Variants in NES observed in about 807,000 individuals in gnomAD.
NES encodes nestin.
Under a neutral mutation model 35.6 loss-of-function variants are expected in NES, and 27 were observed. That is an observed-to-expected ratio of 0.76 (90% CI 0.56 to 1.04). The LOEUF (loss-of-function observed/expected upper bound fraction) is 1.04. Ranked by LOEUF, NES falls within the 50% of genes least tolerant of loss-of-function variation. NES has a pLI of 0.00. For synonymous variants in NES, 822 were observed against 824.2 expected (o/e 1.00, Z 0.04); for missense variants, 1,867 against 1,983.6 (o/e 0.94, Z 1.12).
chr1:156,673,535 G>A lies in NES; in HGVS notation c.909-8C>T, dbSNP rs1195544553. On this transcript the variant is annotated splice_region_variant and splice_polypyrimidine_tract_variant and intron_variant, in intron 2 of 3. Coordinates refer to ENST00000368223, the MANE Select transcript of NES (RefSeq NM_006617.2). ...TCAGCCTCCAGGAGGGTCCTGGAGAGGACAGAGGGAAAGTGGGGTCAGCCC... is the reference window on the plus strand; with the variant it reads ...TCAGCCTCCAGGAGGGTCCTGGAGAAGACAGAGGGAAAGTGGGGTCAGCCC... The A allele has an allele frequency of 1.2e-6, 2 of 1,601,480 alleles. No individual in the cohort carries two copies. Among genetic ancestry groups the A allele is most frequent in the Non-Finnish European group, 1.7e-6 (2 of 1,171,216 alleles).
In NES at chr1:156,672,501, G is replaced by A; in HGVS notation, c.1687C>T (p.Gln563Ter). Residue 563 changes from glutamine (Q) to a stop codon, truncating the protein, a stop_gained, in exon 4 of 4, where the codon CAG becomes TAG. Transcript: ENST00000368223. LOFTEE classifies it low-confidence loss of function (END_TRUNC). ...TCCCTTTCTAGTGTCTCATGGCTCT[G>A]GTTTTCCAGAGTCTTCAGTGACTCT... is the stretch of plus-strand genomic sequence containing the variant. Reference protein sequence around the residue: ...IQESLKTLENQSHETLERENQ... With the variant: ...IQESLKTLEN 1 of 1,613,068 alleles carries A rather than the reference G, an allele frequency of 6.2e-7. No individual in the cohort carries two copies. Among genetic ancestry groups the A allele is most frequent in the Non-Finnish European group, 8.5e-7 (1 of 1,179,594 alleles).
chr1:156,671,980 T>C lies in NES; in HGVS notation c.2208A>G (p.Leu736=), dbSNP rs751807544. ...EEEDQSIVRP[L]ETENHKSLRS... is the part of the protein sequence containing the mutation. ...TCAGTGATTTGTGATTCTCTGTTTC[T>C]AGAGGTCTCACAATACTCTGGTCCT... The change falls in exon 4 of 4, where the codon CTA becomes CTG. Residue 736 remains leucine, a synonymous_variant. Transcript: ENST00000368223. 3.7e-6 allele frequency: 6 copies of C among 1,614,056 alleles called. No homozygotes were observed. Among genetic ancestry groups the C allele is most frequent in the Admixed American group, 1.7e-5 (1 of 60,010 alleles).
Position 156,670,859 on chromosome 1 carries a change from T to TCGGCCCCCCC in NES, c.3328_3329insGGGGGGGCCG (p.Asp1110GlyfsTer35). The TCGGCCCCCCC allele has an allele frequency of 6.2e-7, 1 of 1,609,340 alleles. No homozygotes were observed. Among genetic ancestry groups the TCGGCCCCCCC allele is most frequent in the South Asian group, 1.1e-5 (1 of 90,982 alleles). ...CTCTTCCCTGGTCAGATGGCCTGGG[T>TCGGCCCCCCC]CCCCCAGCCCTCCCACCCCCTGCCC... On this transcript the variant is annotated frameshift_variant, in exon 4 of 4. Transcript: ENST00000368223. LOFTEE classifies it low-confidence loss of function (END_TRUNC).
Position 156,671,536 on chromosome 1 carries a change from C to A in NES, c.2652G>T (p.Leu884=), listed in dbSNP as rs761044522. 1.2e-6 allele frequency: 2 copies of A among 1,613,854 alleles called. No homozygotes were observed. Among genetic ancestry groups the A allele is most frequent in the African/African-American group, 2.7e-5 (2 of 74,908 alleles). Residue 884 remains leucine, a synonymous_variant, in exon 4 of 4, where the codon CTG becomes CTT. Transcript: ENST00000368223. ...VEVNQETFRL[L]EEENQESLRS... ...TCAATGATTCCTGATTCTCCTCTTC[C>A]AGGAGTCTGAATGTCTCTTGGTTCA...
rs141050828 is a variant in NES at position 156,670,527 on chromosome 1, G to A, written c.3661C>T (p.Pro1221Ser). Reference sequence around the variant, plus strand: ...AGGATCGGGGTGTACGTTGGGCTGGGGGAGACCAGCACTGGTGGTACATCC... The same window carrying A: ...AGGATCGGGGTGTACGTTGGGCTGGAGGAGACCAGCACTGGTGGTACATCC... Reference protein sequence around the residue: ...EEDVPPVLVSPSPTYTPILED... With the variant: ...EEDVPPVLVSSSPTYTPILED... The change falls in exon 4 of 4, where the codon CCC becomes TCC. Residue 1221 changes from proline to serine, a missense_variant. Pro to Ser is a moderately conservative substitution (Grantham distance 74). Transcript: ENST00000368223. 1.2e-6 allele frequency: 2 copies of A among 1,605,748 alleles called. No individual in the cohort carries two copies. Among genetic ancestry groups the A allele is most frequent in the Non-Finnish European group, 1.7e-6 (2 of 1,174,320 alleles).
chr1:156,670,243 G>T lies in NES; in HGVS notation c.3945C>A (p.Pro1315=). Residue 1315 remains proline (P), a synonymous_variant, in exon 4 of 4, where the codon CCC becomes CCA. Transcript: ENST00000368223. ...GAGGGGGTGGCCTCTGCTCTCCAGTGGGGTCCCACCTGGGGGAGGTGGGGG... is the reference window on the plus strand; with the variant it reads ...GAGGGGGTGGCCTCTGCTCTCCAGTTGGGTCCCACCTGGGGGAGGTGGGGG... ...LRSPTSPRWD[P]TGEQRPPPQG... 6.2e-7 allele frequency: 1 copy of T among 1,613,382 alleles called. No individual in the cohort carries two copies. The highest frequency in any genetic ancestry group is 8.5e-7 in the Non-Finnish European group (1 of 1,179,582).
rs1679710924 is a variant in NES at position 156,670,911 on chromosome 1, A to G, written c.3277T>C (p.Ser1093Pro). ...GGGCCTGGCTCAGCTCCCGCAGCAG[A>G]CTCACCCATGGCAGGCTCTGACCCC... is the stretch of plus-strand genomic sequence containing the variant. ...MLGSEPAMGE[S>P]AAGAEPGPGQ... Residue 1093 changes from serine (S) to proline (P), a missense_variant, in exon 4 of 4, where the codon TCT becomes CCT. Physicochemically the swap from Ser to Pro is moderately conservative, Grantham distance 74 (BLOSUM62 -1). Coordinates refer to ENST00000368223, the MANE Select transcript of NES (RefSeq NM_006617.2). The G allele has an allele frequency of 6.4e-7, 1 of 1,565,416 alleles. No individual in the cohort carries two copies. The highest frequency in any genetic ancestry group is 1.7e-5 in the Admixed American group (1 of 58,218).
intron 2 of NES, among the ~76,000 whole-genome samples, chr1:156,674,594 C>T (rs1679801543): frequency 6.6e-6 from 1 of 152,250 alleles, no homozygotes; most frequent in Admixed American, 6.5e-5. Context: ...TTGCCCAAGG[C>T]CACATAGCAA....
rs773359771 is a variant in NES at position 156,671,389 on chromosome 1, C to T, written c.2799G>A (p.Arg933=). 1 of 1,614,088 alleles carries T rather than the reference C, an allele frequency of 6.2e-7. No individual in the cohort carries two copies. The highest frequency in any genetic ancestry group is 8.5e-7 in the Non-Finnish European group (1 of 1,180,040). Residue 933 remains arginine, a synonymous_variant, in exon 4 of 4, where the codon AGG becomes AGA. Transcript: ENST00000368223. ...LGKGEYQESL[R]SLEEEGQELP... ...GCTCCTGTCCCTCCTCCTCCAGAGA[C>T]CTCAGTGACTCTTGGTACTCTCCCT...
intron 1 of NES, 128 bp from the exon 2 acceptor site, chr1:156,675,468 AC>A: frequency 3.7e-6 from 4 of 1,089,656 alleles, no homozygotes; most frequent in Non-Finnish European, 2.5e-6. Context: ...TGTGTAGCAG[AC>A]CCCCGCCTCC....
rs145281845 is a variant in NES, at chr1:156,673,168, C to T, written c.1020G>A (p.Glu340=). 192 of 1,531,520 alleles carry T rather than the reference C, an allele frequency of 1.3e-4. 3 individuals are homozygous for T. In the Middle Eastern group the frequency reaches 6.0e-3, roughly 48 times the overall value. 94.9% of individuals were successfully genotyped at this position (1,531,520 alleles called of 1,614,324 possible). A position where few individuals can be genotyped will look rare whatever the true frequency, so the allele number is the denominator to read the frequency against. ...GGAGCAAAGATCCAAGACGCCGGCC[C>T]TCTGGGGTCCTAGGGAATTGCAGCT... ...KLELQFPRTP[E]GRRLGSLLPV... is the part of the protein sequence containing the mutation. Residue 340 remains glutamate, a synonymous_variant, in exon 4 of 4, where the codon GAG becomes GAA. Transcript: ENST00000368223.
chr1:156,670,859 T>TCCCG lies in NES; in HGVS notation c.3328_3329insCGGG (p.Asp1110AlafsTer33). 6.2e-7 allele frequency: 1 copy of TCCCG among 1,609,352 alleles called. No homozygotes were observed. The highest frequency in any genetic ancestry group is 8.5e-7 in the Non-Finnish European group (1 of 1,176,944). On this transcript the variant is annotated frameshift_variant, in exon 4 of 4. Transcript: ENST00000368223. LOFTEE classifies it low-confidence loss of function (END_TRUNC). ...CTCTTCCCTGGTCAGATGGCCTGGG[T>TCCCG]CCCCCAGCCCTCCCACCCCCTGCCC...
Position 156,668,829 on chromosome 1 carries a change from T to A in NES, c.*493A>T, listed in dbSNP as rs1199155691. ...AGGCAGGGCCACAGCGTGGCAGGGA[T>A]GGGGGGAGTCAGCACATGGGAGTGC... On this transcript the variant is annotated 3_prime_UTR_variant, in exon 4 of 4. Transcript: ENST00000368223. 1 of 154,422 alleles carries A rather than the reference T, an allele frequency of 6.5e-6. No individual in the cohort carries two copies. The highest frequency in any genetic ancestry group is 1.4e-5 in the Non-Finnish European group (1 of 69,706). 9.6% of individuals were successfully genotyped at this position (154,422 alleles called of 1,614,324 possible).
chr1:156,672,128 T>C lies in NES; in HGVS notation c.2060A>G (p.Glu687Gly), dbSNP rs1679748666. The C allele has an allele frequency of 6.2e-7, 1 of 1,611,658 alleles. No homozygotes were observed. The highest frequency in any genetic ancestry group is 8.5e-7 in the Non-Finnish European group (1 of 1,179,504). The change falls in exon 4 of 4, where the codon GAG becomes GGG. Residue 687 changes from glutamate (E) to glycine (G), a missense_variant. By Grantham distance (98) the Glu-to-Gly change is moderately conservative. Coordinates refer to ENST00000368223, the MANE Select transcript of NES (RefSeq NM_006617.2). ...CTCCTTTGTCAGAGGTCTCAGTGCC[T>C]CCTCATCCCCTACTTCTGGAGATCT... Reference protein sequence around the residue: ...PLRSPEVGDEEALRPLTKENQ... With the variant: ...PLRSPEVGDEGALRPLTKENQ...
chr1:156,675,658 G>A (rs968135734), intron 1 of NES, among the ~76,000 whole-genome samples: 8 of 152,140 alleles, frequency 5.3e-5, no homozygotes, highest in Non-Finnish European at 1.0e-4. Context: ...GGGAGGAGAC[G>A]AGATGGGTTA....
Position 156,669,775 on chromosome 1 carries a change from G to C in NES, c.4413C>G (p.Asp1471Glu). The change falls in exon 4 of 4, where the codon GAC becomes GAG. Residue 1471 changes from aspartate to glutamate, a missense_variant. Coordinates refer to ENST00000368223, the MANE Select transcript of NES (RefSeq NM_006617.2). Reference sequence around the variant, plus strand: ...CACCAGCCACTGCACCCCTCAAGCTGTCATCCCAGGGGACACTGACACTCA... The same window carrying C: ...CACCAGCCACTGCACCCCTCAAGCTCTCATCCCAGGGGACACTGACACTCA... Reference protein sequence around the residue: ...DSVSVSVPWDDSLRGAVAGAP... With the variant: ...DSVSVSVPWDESLRGAVAGAP... The C allele has an allele frequency of 6.2e-7, 1 of 1,614,006 alleles. No homozygotes were observed. The highest frequency in any genetic ancestry group is 8.5e-7 in the Non-Finnish European group (1 of 1,179,988).
rs752772889 is a variant in NES, at chr1:156,676,377, G to C, written c.783+105C>G. The C allele has an allele frequency of 1.2e-4, 142 of 1,154,338 alleles. No individual in the cohort carries two copies. Among genetic ancestry groups the C allele is most frequent in the Non-Finnish European group, 1.7e-4 (138 of 821,028 alleles). The allele number at this position is 1,154,338 out of a possible 1,614,324, so 71.5% of individuals were successfully genotyped here. On this transcript the variant is annotated intron_variant, in intron 1 of 3. Transcript: ENST00000368223. This position sits in a 1 kb window ranked among gnomAD's most constrained non-coding sequence, Gnocchi z 5.3. Reference sequence around the variant, plus strand: ...TTTCTGAGAACTGGCTCCTGATTCAGCAGCCAGCTAGCCCCACTCCCTTCC... The same window carrying C: ...TTTCTGAGAACTGGCTCCTGATTCACCAGCCAGCTAGCCCCACTCCCTTCC...
In NES at chr1:156,672,157, T is replaced by C. The variant is rs1166662677; in HGVS notation, c.2031A>G (p.Pro677=). The part of the protein sequence containing the change: ...LTALEKENQE[P]LRSPEVGDEE... ...CATCCCCTACTTCTGGAGATCTCAG[T>C]GGCTCTTGATTCTCCTTTTCCAGAG... Residue 677 remains proline, a synonymous_variant, in exon 4 of 4, where the codon CCA becomes CCG. Transcript: ENST00000368223. The C allele has an allele frequency of 6.2e-7, 1 of 1,611,736 alleles. No individual in the cohort carries two copies. Among genetic ancestry groups the C allele is most frequent in the African/African-American group, 1.3e-5 (1 of 74,682 alleles).
chr1:156,669,395 A>G lies in NES; in HGVS notation c.4793T>C (p.Leu1598Pro), dbSNP rs1250854182. The part of the protein sequence containing the change: ...KTSWAGAPVH[L>P]GQGQFLKFTQ... ...GAACTTCAGGAACTGACCCTGGCCC[A>G]GGTGAACAGGAGCCCCTGCCCAAGA... is the stretch of plus-strand genomic sequence containing the variant. The change falls in exon 4 of 4, where the codon CTG (leucine) becomes CCG (proline). Residue 1598 changes from leucine to proline, a missense_variant. Transcript: ENST00000368223. The G allele has an allele frequency of 1.2e-6, 2 of 1,611,276 alleles. No individual in the cohort carries two copies. The highest frequency in any genetic ancestry group is 8.5e-7 in the Non-Finnish European group (1 of 1,178,058).
Sources: allele counts gnomAD v4.1 joint callset (sites outside exome capture counted in the v4.1 genomes callset), GRCh38; gene constraint gnomAD v4.1.1; non-coding constraint Gnocchi (gnomAD v3.1); transcripts MANE v1.5; gene names NCBI Gene and HGNC (gene_info 2026-07-23, HGNC 2026-07-21).